The following TRIM24 variants were observed in gnomAD, a reference collection of about 807,000 sequenced individuals.
The protein encoded by TRIM24 is tripartite motif containing 24.
Under a neutral mutation model 123.9 loss-of-function variants are expected in TRIM24, and 29 were observed. The observed-to-expected ratio is 0.23, with a 90% CI of 0.17 to 0.32. The LOEUF (loss-of-function observed/expected upper bound fraction) is 0.32. Among genes scored for constraint, TRIM24 ranks in the 10% least tolerant of loss-of-function variants. TRIM24 has a pLI of 1.00. For synonymous variants in TRIM24, 456 were observed against 461.1 expected, an observed-to-expected ratio of 0.99 and a Z score of 0.14; for missense variants, 932 against 1,295.3, an observed-to-expected ratio of 0.72 and a Z score of 4.31.
intron 1 of TRIM24, among the ~76,000 whole-genome samples, chr7:138,479,698 G>A (rs984664976): frequency 6.9e-6 from 1 of 145,528 alleles, no homozygotes; most frequent in Non-Finnish European, 1.6e-5. Context: ...AGTAGATATG[G>A]GGTTTCTCCA....
At chr7:138,466,463 C>CTTGTTTTTTTT (rs1795141136) in intron 1 of TRIM24, among the ~76,000 whole-genome samples, 1 of 74,064 alleles carries the variant, frequency 1.4e-5, no homozygotes, top group African/African-American at 5.5e-5. Context: ...ACTTAAGTTG[C>CTTGTTTTTTTT]TTTTTTTTTT....
At chr7:138,567,736 C>T (rs530691513) in intron 10 of TRIM24, 82 bp downstream of exon 10, 2 of 1,415,854 alleles carry the variant, frequency 1.4e-6, no homozygotes, top group African/African-American at 1.5e-5. Context: ...GATTAAGCAA[C>T]AGGTTATAAA....
At chr7:138,513,451 A>G (rs958345572) in intron 2 of TRIM24, among the ~76,000 whole-genome samples, 140 of 152,298 alleles carry the variant, frequency 9.2e-4, no homozygotes, top group African/African-American at 3.3e-3. Context: ...TAATTGGCCC[A>G]TGGTTCTTCA....
At chr7:138,528,696 T>A (rs1302584857) in intron 5 of TRIM24, among the ~76,000 whole-genome samples, 1 of 151,866 alleles carries the variant, frequency 6.6e-6, no homozygotes, top group Non-Finnish European at 1.5e-5. Flanking sequence ...GTGTCACATA[T>A]ACACTTTTCT....
intron 1 of TRIM24, among the ~76,000 whole-genome samples, chr7:138,476,624 A>G (rs1795407719): frequency 6.6e-6 from 1 of 152,006 alleles, no homozygotes; most frequent in Non-Finnish European, 1.5e-5. Flanking sequence ...TTCCCCCAAA[A>G]TAGGTACAGC....
intron 3 of TRIM24, among the ~76,000 whole-genome samples, chr7:138,518,830 C>T (rs963583895): frequency 6.6e-6 from 1 of 152,144 alleles, no homozygotes; most frequent in East Asian, 1.9e-4. Context: ...TTCAAAAAAT[C>T]TCCTCCCATA....
At chr7:138,579,923 T>TAGTC (rs1382809897) in intron 15 of TRIM24, among the ~76,000 whole-genome samples, 3 of 152,072 alleles carry the variant, frequency 2.0e-5, no homozygotes, top group Admixed American at 6.5e-5. Context: ...ACCCTCTCCC[T>TAGTC]AGTCATTACA....
At chr7:138,504,450 T>A in intron 2 of TRIM24, 42 bp downstream of exon 2, 1 of 488,572 alleles carries the variant, frequency 2.0e-6, no homozygotes, top group Non-Finnish European at 2.9e-6. Flanking sequence ...GCCAGCTCTT[T>A]TTTTTTTTTT....
intron 1 of TRIM24, among the ~76,000 whole-genome samples, chr7:138,472,310 G>A (rs1405407696): frequency 6.6e-6 from 1 of 152,076 alleles, no homozygotes; most frequent in Non-Finnish European, 1.5e-5. Flanking sequence ...AAAAGATTTG[G>A]TGAGGCTTCT....
chr7:138,481,026 C>G (rs1283927652), intron 1 of TRIM24, among the ~76,000 whole-genome samples: 1 of 151,892 alleles, frequency 6.6e-6, no homozygotes, highest in Admixed American at 6.6e-5. Flanking sequence ...GAGTTTCACT[C>G]TTGTTGCTCA....
At chr7:138,563,605 G>A (rs902055254) in intron 9 of TRIM24, among the ~76,000 whole-genome samples, 10 of 152,266 alleles carry the variant, frequency 6.6e-5, no homozygotes, top group East Asian at 3.9e-4. Flanking sequence ...TCATGCCTGC[G>A]AAATTTTTTA....
intron 12 of TRIM24, 55 bp from the exon 13 acceptor site, chr7:138,576,318 C>T: frequency 6.6e-7 from 1 of 1,507,218 alleles, no homozygotes; most frequent in Non-Finnish European, 9.2e-7. Context: ...TTCAACAGGA[C>T]TTCAATGCAT....
intron 1 of TRIM24, among the ~76,000 whole-genome samples, chr7:138,468,883 G>A (rs762452319): frequency 6.6e-6 from 1 of 152,110 alleles, no homozygotes; most frequent in South Asian, 2.1e-4. Context: ...CACAATCCCC[G>A]AATCTCTCTG....
chr7:138,530,489 A>G (rs1796707311), intron 6 of TRIM24, among the ~76,000 whole-genome samples: 1 of 152,062 alleles, frequency 6.6e-6, no homozygotes, highest in African/African-American at 2.4e-5. Flanking sequence ...TTTTTGAGAC[A>G]GGGTCTCACT....
chr7:138,582,143 A>G (rs1317273192), intron 17 of TRIM24, among the ~76,000 whole-genome samples: 9 of 152,176 alleles, frequency 5.9e-5, no homozygotes, highest in East Asian at 3.9e-4. Context: ...ATTTTTCTTT[A>G]TAGGTCCAGA....
chr7:138,539,204 TGTG>T, intron 7 of TRIM24, among the ~76,000 whole-genome samples: 1 of 152,136 alleles, frequency 6.6e-6, no homozygotes, highest in Non-Finnish European at 1.5e-5. Context: ...AACTAAGGCA[TGTG>T]ATTATGTAAC....
In TRIM24 at chr7:138,579,146, T is replaced by C. The variant is rs967283762; in HGVS notation, c.2257-58T>C. The C allele has an allele frequency of 2.3e-5, 32 of 1,413,696 alleles. 1 individual carries two copies. In the Admixed American group the frequency reaches 5.8e-4, roughly 26 times the overall value. 87.6% of individuals were successfully genotyped at this position (1,413,696 alleles called of 1,614,324 possible). ...CAGAGAGTGGTCTACAGTTCAGAAT[T>C]GCATTAGTGATAAAATTTTTTTTAA... is the stretch of plus-strand genomic sequence containing the variant. On this transcript the variant is annotated intron_variant, in intron 14 of 18. Transcript: ENST00000343526.
At chr7:138,560,931 C>T (rs1371707793) in intron 9 of TRIM24, among the ~76,000 whole-genome samples, 1 of 152,180 alleles carries the variant, frequency 6.6e-6, no homozygotes, top group African/African-American at 2.4e-5. Context: ...AGTGTTCCTG[C>T]CTTTTGATGC....
At chr7:138,517,266 G>A (rs1214901321) in intron 3 of TRIM24, among the ~76,000 whole-genome samples, 2 of 152,000 alleles carry the variant, frequency 1.3e-5, no homozygotes, top group Non-Finnish European at 2.9e-5. Flanking sequence ...TGTATCTTCA[G>A]AAATATTTCT....
Sources: gnomAD v4.1 joint callset for allele counts (sites outside exome capture counted in the v4.1 genomes callset) on GRCh38, gnomAD v4.1.1 for gene constraint, MANE v1.5 for transcripts, NCBI Gene and HGNC (gene_info 2026-07-23, HGNC 2026-07-21) for gene names.